PDE1A: variants seen among roughly 807,000 people sequenced by gnomAD.
PDE1A encodes dual specificity calcium/calmodulin-dependent 3',5'-cyclic nucleotide phosphodiesterase 1A.
PDE1A carries 35 observed loss-of-function variants against 61.7 expected under a neutral mutation model. That is an observed-to-expected ratio of 0.57 (90% CI 0.43 to 0.75). PDE1A has a LOEUF of 0.75. PDE1A is among the 30% of genes least tolerant of loss of function. PDE1A has a pLI of 0.00. For synonymous variants in PDE1A, 232 were observed against 213.2 expected, an observed-to-expected ratio of 1.09 and a Z score of -0.77; for missense variants, 597 against 630.6, an observed-to-expected ratio of 0.95 and a Z score of 0.57.
At chr2:182,440,534 T>C (rs1040741300) in intron 2 of PDE1A, among the ~76,000 whole-genome samples, 1 of 152,096 alleles carries the variant, frequency 6.6e-6, no homozygotes, top group African/African-American at 2.4e-5. Flanking sequence ...CCTATTGTGT[T>C]TTCATTTATG....
chr2:182,220,851 C>CTTAT (rs372746917), intron 7 of PDE1A, among the ~76,000 whole-genome samples: 238 of 151,876 alleles, frequency 1.6e-3, no homozygotes, highest in Admixed American at 2.8e-3. Context: ...GACATATGAC[C>CTTAT]TTATTTCATC....
At chr2:182,217,429 A>C (rs1310294415) in intron 7 of PDE1A, among the ~76,000 whole-genome samples, 13 of 88,498 alleles carry the variant, frequency 1.5e-4, no homozygotes, top group South Asian at 1.3e-3. Context: ...GGATCTAATT[A>C]AACTAAAGAG....
At chr2:182,442,609 T>A (rs1684866088) in intron 2 of PDE1A, among the ~76,000 whole-genome samples, 1 of 152,092 alleles carries the variant, frequency 6.6e-6, no homozygotes, top group African/African-American at 2.4e-5. Context: ...TTTATATGCA[T>A]GTTTAATTAT....
At chr2:182,147,211 A>G (rs1365227798) in intron 13 of PDE1A, 59 bp from the exon 14 acceptor site, 2 of 991,570 alleles carry the variant, frequency 2.0e-6, no homozygotes, top group African/African-American at 1.6e-5. Flanking sequence ...GAAAAAACTA[A>G]TAAGGTTAGG....
rs185672508 is a variant in PDE1A at position 182,407,676 on chromosome 2, C to T, written c.53+18902G>A. Among the ~76,000 whole-genome samples the T allele has an allele frequency of 3.4e-3, 516 of 152,194 alleles. 1 individual carries two copies. The highest frequency in any genetic ancestry group is 0.011 in the African/African-American group (460 of 41,514). On this transcript the variant is annotated intron_variant, in intron 1 of 13. Coordinates refer to ENST00000351439, the Ensembl canonical transcript of PDE1A. Reference sequence around the variant, plus strand: ...GATTACAGATGTGAGCCACCGTGCCCGGCCAACATACTTTACGTAGCATAT... The same window carrying T: ...GATTACAGATGTGAGCCACCGTGCCTGGCCAACATACTTTACGTAGCATAT...
At chr2:182,708,576 G>A in the PDE1A span, among the ~76,000 whole-genome samples, 1 of 152,012 alleles carries the variant, frequency 6.6e-6, no homozygotes, top group African/African-American at 2.4e-5. Context: ...GGAAAAGCAA[G>A]CACCTTCTTC....
At chr2:182,201,508 G>A (rs1464340794) in exon 10 of PDE1A, 1 of 1,614,036 alleles carries the variant, frequency 6.2e-7, no homozygotes, top group Non-Finnish European at 8.5e-7. Flanking sequence ...TGGCTGGGTG[G>A]CTGATGTCTG....
the PDE1A span, among the ~76,000 whole-genome samples, chr2:182,606,210 A>G: frequency 1.3e-5 from 2 of 151,986 alleles, no homozygotes; most frequent in Admixed American, 1.3e-4. Context: ...CTCGCCCTTC[A>G]CCCTATCGCC....
chr2:182,409,436 G>T (rs1335600827), intron 1 of PDE1A, among the ~76,000 whole-genome samples: 1 of 152,202 alleles, frequency 6.6e-6, no homozygotes, highest in East Asian at 1.9e-4. Context: ...AGGAGGTACT[G>T]TGCAAAGTAT....
At chr2:182,164,888 T>C (rs376706124), downstream of PDE1A, among the ~76,000 whole-genome samples, 1 of 152,142 alleles carries the variant, frequency 6.6e-6, no homozygotes, top group African/African-American at 2.4e-5. Context: ...ATCTGTAAAC[T>C]TATGTAATGA....
At chr2:182,682,204 T>C in the PDE1A span, among the ~76,000 whole-genome samples, 2 of 152,164 alleles carry the variant, frequency 1.3e-5, no homozygotes, top group African/African-American at 4.8e-5. Context: ...TCCAGTTGCT[T>C]GCCACACAGA....
At chr2:182,503,647 A>T (rs1412964218) in intron 2 of PDE1A, among the ~76,000 whole-genome samples, 1 of 152,052 alleles carries the variant, frequency 6.6e-6, no homozygotes, top group African/African-American at 2.4e-5. Flanking sequence ...TATTCACTTC[A>T]TTAAGGTCTT....
intron 1 of PDE1A, among the ~76,000 whole-genome samples, chr2:182,294,084 A>C (rs149177891): frequency 2.0e-4 from 31 of 152,354 alleles, no homozygotes; most frequent in African/African-American, 7.2e-4. Flanking sequence ...AAAGTGGAAC[A>C]ACAAAAGATT....
intron 1 of PDE1A, among the ~76,000 whole-genome samples, chr2:182,297,925 T>C (rs1161249660): frequency 1.3e-5 from 2 of 152,216 alleles, no homozygotes; most frequent in African/African-American, 4.8e-5. Context: ...TTTCCTCTAT[T>C]ACTTCCCCCT....
chr2:182,593,394 T>C, the PDE1A span, among the ~76,000 whole-genome samples: 116 of 152,292 alleles, frequency 7.6e-4, no homozygotes, highest in African/African-American at 2.5e-3. Context: ...AGAAGAGCAC[T>C]GCAGTTGAAC....
At chr2:182,491,055 T>A (rs563954252) in intron 2 of PDE1A, among the ~76,000 whole-genome samples, 70 of 152,344 alleles carry the variant, frequency 4.6e-4, no homozygotes, top group African/African-American at 1.6e-3. Context: ...GGGAACGTAA[T>A]TGCAGTTTTC....
At chr2:182,628,354 T>C in the PDE1A span, among the ~76,000 whole-genome samples, 2 of 152,188 alleles carry the variant, frequency 1.3e-5, no homozygotes, top group East Asian at 3.8e-4. Context: ...TATTTTCACA[T>C]TTTAACATTT....
chr2:182,688,116 C>T, the PDE1A span, among the ~76,000 whole-genome samples: 2 of 152,132 alleles, frequency 1.3e-5, no homozygotes, highest in South Asian at 4.1e-4. Context: ...AGGATATTAT[C>T]CAGGAGAACT....
At chr2:182,435,985 G>C (rs1023498169) in intron 2 of PDE1A, among the ~76,000 whole-genome samples, 3 of 152,070 alleles carry the variant, frequency 2.0e-5, no homozygotes, top group African/African-American at 4.8e-5. Flanking sequence ...GACAGCAATA[G>C]AGATAATCAT....
Sources: gnomAD v4.1 joint callset for allele counts (sites outside exome capture counted in the v4.1 genomes callset) on GRCh38, gnomAD v4.1.1 for gene constraint, MANE v1.5 for transcripts, NCBI Gene and HGNC (gene_info 2026-07-23, HGNC 2026-07-21) for gene names.